MRPL27: variants seen among roughly 807,000 people sequenced by gnomAD.
MRPL27 encodes mitochondrial ribosomal protein L27, also known as large ribosomal subunit protein bL27m.
A neutral mutation model predicts 14.6 loss-of-function variants in MRPL27; 4 were observed. The ratio of observed to expected loss-of-function variants is 0.27; its 90% CI spans 0.14 to 0.63. The LOEUF (loss-of-function observed/expected upper bound fraction) is 0.63, where lower values mean the gene tolerates loss of function less well. Ranked by LOEUF, MRPL27 falls within the 20% of genes least tolerant of loss-of-function variation. The pLI, the probability that MRPL27 is intolerant of heterozygous loss-of-function variation, is 0.85. For synonymous variants in MRPL27, 82 were observed against 75.5 expected (o/e 1.09, Z -0.45); for missense variants, 196 against 192.8 (o/e 1.02, Z -0.10).
chr17:50,370,867 T>C (rs1267211693), intron 1 of MRPL27: 3 of 361,228 alleles, frequency 8.3e-6, no homozygotes, highest in Admixed American at 7.9e-5. Flanking sequence ...TGAGGAGAAA[T>C]GGACACCAGA....
At chr17:50,368,396 G>A (rs1277026645) in intron 3 of MRPL27, 98 bp from the exon 4 acceptor site, 5 of 1,276,368 alleles carry the variant, frequency 3.9e-6, no homozygotes, top group African/African-American at 1.5e-5. Context: ...GGGCCCTGGG[G>A]CTGAAAGGGT....
chr17:50,370,996 C>CTTT (rs368266454), intron 1 of MRPL27: 2 of 154,450 alleles, frequency 1.3e-5, no homozygotes, highest in Non-Finnish European at 2.8e-5. Context: ...GACTTTCTTT[C>CTTT]TTTTTTTTTT....
In MRPL27 at chr17:50,368,591, C is replaced by T. The variant is rs1913033091; in HGVS notation, c.241-293G>A. On this transcript the variant is annotated intron_variant, in intron 3 of 3. Transcript: ENST00000225969. Reference sequence around the variant, plus strand: ...GCAGCTGGTCAGAAGCCACACTGCACAAATCCCAAAACCCAGGAAGATGCC... The same window carrying T: ...GCAGCTGGTCAGAAGCCACACTGCATAAATCCCAAAACCCAGGAAGATGCC... 5 of 592,824 alleles carry T rather than the reference C, an allele frequency of 8.4e-6. No homozygotes were observed. The South Asian group carries it at 1.0e-4, about 12-fold the overall frequency. 36.7% of individuals were successfully genotyped at this position (592,824 alleles called of 1,614,324 possible). A position where few individuals can be genotyped will look rare whatever the true frequency, so the allele number is the denominator to read the frequency against.
intron 1 of MRPL27, chr17:50,372,814 ATT>A (rs148262545): frequency 3.9e-5 from 16 of 415,216 alleles, no homozygotes; most frequent in African/African-American, 3.1e-4. Context: ...CAATAGATTA[ATT>A]TTTTCAACCC....
chr17:50,372,497 G>C (rs116380252), intron 1 of MRPL27, among the ~76,000 whole-genome samples: 3,145 of 152,240 alleles, frequency 0.021, 53 homozygotes, highest in Middle Eastern at 0.054. Flanking sequence ...CGCCCACCTA[G>C]GCCTCCCAAA....
At chr17:50,371,742 A>T (rs1296541999) in intron 1 of MRPL27, among the ~76,000 whole-genome samples, 1 of 152,172 alleles carries the variant, frequency 6.6e-6, no homozygotes, top group Non-Finnish European at 1.5e-5. Context: ...GAAAGACAAC[A>T]TGTTAAAACA....
At chr17:50,368,780 T>A in intron 3 of MRPL27, 1 of 691,520 alleles carries the variant, frequency 1.4e-6, no homozygotes, top group Admixed American at 2.1e-5. Flanking sequence ...ATCATACTAC[T>A]GCATTAGCTA....
rs780326738 is a variant in MRPL27 at position 50,370,009 on chromosome 17, G to C, written c.240+23C>G. 9.9e-6 allele frequency: 16 copies of C among 1,613,160 alleles called. No individual in the cohort carries two copies. The East Asian group carries it at 2.2e-4, about 22-fold the overall frequency. On this transcript the variant is annotated intron_variant, in intron 3 of 3. Transcript: ENST00000225969. ...AGGTCAACCTAGAAAAGGAAAAAGG[G>C]GGGCAGCAACGGAGCAACTCACATG...
chr17:50,368,404 G>C (rs1293815247), intron 3 of MRPL27, 106 bp from the exon 4 acceptor site: 1 of 1,172,938 alleles, frequency 8.5e-7, no homozygotes, highest in African/African-American at 1.5e-5. Context: ...GGGCTGAAAG[G>C]GTGATCAGAG....
At position 50,370,340 on chromosome 17, in the gene MRPL27, G is replaced by A. The variant is rs1913093230; in HGVS notation, c.172+115C>T. The A allele has an allele frequency of 3.9e-6, 6 of 1,525,292 alleles. No homozygotes were observed. In the South Asian group the frequency reaches 7.2e-5, roughly 18 times the overall value. 94.5% of individuals were successfully genotyped at this position (1,525,292 alleles called of 1,614,324 possible). A position where few individuals can be genotyped will look rare whatever the true frequency, so the allele number is the denominator to read the frequency against. On this transcript the variant is annotated intron_variant, in intron 2 of 3. Coordinates refer to ENST00000225969, the MANE Select transcript of MRPL27 (RefSeq NM_016504.3). ...GTCTTATCCGTTCCTTTAAACTGGA[G>A]CCAATTATGATGGTAAGGAAGAACA...
chr17:50,368,375 C>G (rs886492183), intron 3 of MRPL27, 77 bp from the exon 4 acceptor site: 13 of 1,469,822 alleles, frequency 8.8e-6, no homozygotes, highest in Non-Finnish European at 1.1e-5. Context: ...ACAGACTTCT[C>G]ACACAGAGCC....
rs538193818 is a variant in MRPL27 at position 50,370,577 on chromosome 17, A to G, written c.50T>C (p.Leu17Ser). 6.2e-7 allele frequency: 1 copy of G among 1,614,152 alleles called. No individual in the cohort carries two copies. The highest frequency in any genetic ancestry group is 1.1e-5 in the South Asian group (1 of 91,084). ...AGCTGTAGCCGGAGTGGGGCTTAGC[A>G]AGGATGTAACTGCAGAGAAAACAGA... ...ALRTRTAVTS[L>S]LSPTPATALA... The change falls in exon 2 of 4, where the codon TTG becomes TCG. Residue 17 changes from leucine (L) to serine (S), a missense_variant. Transcript: ENST00000225969.
chr17:50,370,377 A>C, intron 2 of MRPL27, 78 bp downstream of exon 2: 1 of 1,599,868 alleles, frequency 6.3e-7, no homozygotes, highest in Non-Finnish European at 8.5e-7. Context: ...GGCCAGGCAC[A>C]CGCAGGGTTC....
Position 50,370,417 on chromosome 17 carries a change from G to A in MRPL27, c.172+38C>T, listed in dbSNP as rs1156381704. 3.7e-6 allele frequency: 6 copies of A among 1,613,592 alleles called. No individual in the cohort carries two copies. In the East Asian group the frequency reaches 1.3e-4, roughly 36 times the overall value. On this transcript the variant is annotated intron_variant, in intron 2 of 3. Transcript: ENST00000225969. Reference sequence around the variant, plus strand: ...GCTCTCCTAAGGAACATGAGGACAGGGTGCAGCTAGGAAGGGGAAGCCAAG... The same window carrying A: ...GCTCTCCTAAGGAACATGAGGACAGAGTGCAGCTAGGAAGGGGAAGCCAAG...
At chr17:50,368,387 G>C in intron 3 of MRPL27, 89 bp from the exon 4 acceptor site, 1 of 1,376,912 alleles carries the variant, frequency 7.3e-7, no homozygotes, top group South Asian at 1.3e-5. Context: ...CACAGAGCCG[G>C]GCCCTGGGGC....
At chr17:50,369,280 A>G (rs1913055150) in intron 3 of MRPL27, 1 of 170,682 alleles carries the variant, frequency 5.9e-6, no homozygotes, top group Admixed American at 6.3e-5. Context: ...CTTAAGTTCT[A>G]AAAGGTAAAA....
rs891776095 is a variant in MRPL27 at position 50,373,134 on chromosome 17, C to T, written c.37G>A (p.Ala13Thr). ...SVVLALRTRT[A>T]VTSLLSPTPA... ...TCTGACTACTGCGTCCCATTACCGG[C>T]TGTCCGGGTCCTCAGCGCCAACACC... The change falls in exon 1 of 4, where the codon GCC (alanine) becomes ACC (threonine). Residue 13 changes from alanine to threonine, a missense_variant. Ala to Thr is a moderately conservative substitution (Grantham distance 58, BLOSUM62 0). Coordinates refer to ENST00000225969, the MANE Select transcript of MRPL27 (RefSeq NM_016504.3). 1.2e-6 allele frequency: 2 copies of T among 1,614,212 alleles called. No homozygotes were observed. Among genetic ancestry groups the T allele is most frequent in the South Asian group, 1.1e-5 (1 of 91,086 alleles).
At position 50,370,537 on chromosome 17, in the gene MRPL27, G is replaced by C. The variant is rs754739605; in HGVS notation, c.90C>G (p.Tyr30Ter). The change falls in exon 2 of 4, where the codon TAC becomes TAG. Residue 30 changes from tyrosine to a stop codon, truncating the protein, a stop_gained. Coordinates refer to ENST00000225969, the MANE Select transcript of MRPL27 (RefSeq NM_016504.3). LOFTEE classifies it high-confidence loss of function. The part of the protein sequence containing the change: ...PTPATALAVR[Y>*]ASKKSGGSSK... ...AGCTACCACCCGACTTCTTGGATGC[G>C]TATCTGACAGCAAGAGCTGTAGCCG... 1 of 1,614,152 alleles carries C rather than the reference G, an allele frequency of 6.2e-7. No homozygotes were observed. Among genetic ancestry groups the C allele is most frequent in the Middle Eastern group, 1.7e-4 (1 of 6,060 alleles).
Position 50,368,132 on chromosome 17 carries a change from G to A in MRPL27, c.407C>T (p.Ala136Val), listed in dbSNP as rs200621662. The change falls in exon 4 of 4, where the codon GCC (alanine) becomes GTC (valine). Residue 136 changes from alanine (A) to valine (V), a missense_variant. Transcript: ENST00000225969. ...LYKTFVHVVP[A>V]KPEGTFKLVA... ...CAGTTTGAAGGTGCCCTCAGGCTTG[G>A]CAGGAACCACGTGGACAAAAGTCTT... The A allele has an allele frequency of 1.1e-4, 173 of 1,614,226 alleles. 2 individuals carry two copies. In the East Asian group the frequency reaches 3.5e-3, roughly 33 times the overall value.
Sources: gnomAD v4.1 joint callset for allele counts (sites outside exome capture counted in the v4.1 genomes callset) on GRCh38, gnomAD v4.1.1 for gene constraint, MANE v1.5 for transcripts, NCBI Gene and HGNC (gene_info 2026-07-23, HGNC 2026-07-21) for gene names.